Variants in KCTD8 observed in about 807,000 individuals in gnomAD.
KCTD8 encodes the protein potassium channel tetramerization domain containing 8.
A neutral mutation model predicts 31.5 loss-of-function variants in KCTD8; 27 were observed. The observed-to-expected ratio is 0.86, with a 90% CI of 0.63 to 1.18. The LOEUF (loss-of-function observed/expected upper bound fraction) is 1.18. KCTD8 is among the 50% of genes most tolerant of loss of function. The pLI, the probability that KCTD8 is intolerant of heterozygous loss-of-function variation, is 0.00. For synonymous variants in KCTD8, 290 were observed against 280.0 expected (o/e 1.04, Z -0.36); for missense variants, 658 against 647.7 (o/e 1.02, Z -0.17).
intron 1 of KCTD8, among the ~76,000 whole-genome samples, chr4:44,265,053 C>T (rs565225016): frequency 1.8e-4 from 27 of 152,276 alleles, no homozygotes; most frequent in Non-Finnish European, 3.2e-4. Context: ...TCTCCCAGCA[C>T]GCAGCTGGAG....
chr4:44,421,796 T>C (rs1445236202), intron 1 of KCTD8, among the ~76,000 whole-genome samples: 3 of 152,154 alleles, frequency 2.0e-5, no homozygotes, highest in Non-Finnish European at 2.9e-5. Context: ...CTGTTTCTGA[T>C]GTTCCAATTT....
At chr4:44,423,817 A>G (rs1039236460) in intron 1 of KCTD8, among the ~76,000 whole-genome samples, 6 of 152,148 alleles carry the variant, frequency 3.9e-5, no homozygotes, top group Admixed American at 6.6e-5. Context: ...TCCCATTCTG[A>G]AGTTACATAC....
chr4:44,253,975 G>A (rs1481081463), intron 1 of KCTD8, among the ~76,000 whole-genome samples: 2 of 151,830 alleles, frequency 1.3e-5, no homozygotes, highest in African/African-American at 4.8e-5. Flanking sequence ...GAAGGACAGT[G>A]AAGGCATTTT....
In KCTD8 at chr4:44,361,683, C is replaced by T. The variant is rs112464993; in HGVS notation, c.961+85880G>A. ...AAAACACAATTATACTAAATTTTGC[C>T]AATTTTTAATGATTTAATGAGAAAA... On this transcript the variant is annotated intron_variant, in intron 1 of 1. Transcript: ENST00000360029. Among the ~76,000 whole-genome samples the T allele has an allele frequency of 7.3e-3, 1,111 of 152,082 alleles. 14 individuals are homozygous for T. Among genetic ancestry groups the T allele is most frequent in the African/African-American group, 0.026 (1,063 of 41,510 alleles).
intron 1 of KCTD8, among the ~76,000 whole-genome samples, chr4:44,292,301 A>G (rs986118901): frequency 2.0e-5 from 3 of 152,166 alleles, no homozygotes; most frequent in African/African-American, 7.2e-5. Flanking sequence ...CCATAAAAAG[A>G]ATAAAATCAT....
chr4:44,396,768 G>A (rs545666138), intron 1 of KCTD8, among the ~76,000 whole-genome samples: 100 of 152,230 alleles, frequency 6.6e-4, no homozygotes, highest in African/African-American at 2.3e-3. Flanking sequence ...TGCAGGAACG[G>A]CCTCATCACA....
intron 1 of KCTD8, among the ~76,000 whole-genome samples, chr4:44,399,655 G>A (rs11726514): frequency 0.25 from 37,835 of 152,060 alleles, 5,026 homozygotes; most frequent in South Asian, 0.3. Context: ...TATGGCATGG[G>A]AACTTGAGAA....
chr4:44,394,640 G>C (rs925271487), intron 1 of KCTD8, among the ~76,000 whole-genome samples: 1 of 151,980 alleles, frequency 6.6e-6, no homozygotes. Flanking sequence ...ATTCAAATCG[G>C]ATAATTTGAC....
intron 1 of KCTD8, among the ~76,000 whole-genome samples, chr4:44,245,463 C>T (rs77520331): frequency 0.053 from 8,093 of 151,924 alleles, 727 homozygotes; most frequent in African/African-American, 0.19. Context: ...ATACACAGTG[C>T]CTGTGTTAAC....
At chr4:44,433,702 G>A (rs191489798) in intron 1 of KCTD8, among the ~76,000 whole-genome samples, 544 of 151,384 alleles carry the variant, frequency 3.6e-3, no homozygotes, top group Non-Finnish European at 5.4e-3. Context: ...ATTAGACTGG[G>A]TCACCTATTT....
At chr4:44,328,750 T>C (rs1718518666) in intron 1 of KCTD8, among the ~76,000 whole-genome samples, 1 of 151,968 alleles carries the variant, frequency 6.6e-6, no homozygotes. Flanking sequence ...CCAGCTTTTA[T>C]GGAGTCTTAA....
At chr4:44,378,852 A>G (rs977788599) in intron 1 of KCTD8, among the ~76,000 whole-genome samples, 4 of 152,164 alleles carry the variant, frequency 2.6e-5, no homozygotes, top group Non-Finnish European at 4.4e-5. Flanking sequence ...TCAGAAGTCC[A>G]AAATTATTCT....
At chr4:44,378,707 C>A (rs1056604990) in intron 1 of KCTD8, among the ~76,000 whole-genome samples, 2 of 152,046 alleles carry the variant, frequency 1.3e-5, no homozygotes, top group African/African-American at 4.8e-5. Flanking sequence ...TTACATGAGT[C>A]CCAAGTCACA....
At chr4:44,326,239 G>T (rs2109409544) in intron 1 of KCTD8, among the ~76,000 whole-genome samples, 1 of 151,312 alleles carries the variant, frequency 6.6e-6, no homozygotes. Context: ...TATATTTTGG[G>T]CTATTTTTGC....
chr4:44,214,090 A>G (rs534831403), intron 1 of KCTD8, among the ~76,000 whole-genome samples: 46 of 152,208 alleles, frequency 3.0e-4, no homozygotes, highest in African/African-American at 1.0e-3. Flanking sequence ...CCACTTATTC[A>G]TTTCTGTAAG....
chr4:44,394,430 A>G (rs542049047), intron 1 of KCTD8, among the ~76,000 whole-genome samples: 53 of 152,216 alleles, frequency 3.5e-4, no homozygotes, highest in Admixed American at 8.5e-4. Flanking sequence ...AAGAAAGAAA[A>G]AAAAATACCC....
At chr4:44,181,176 TGGTCTCCCTCTCCCTCTCTTTCCAC>T (rs766873729) in intron 1 of KCTD8, among the ~76,000 whole-genome samples, 1,595 of 142,276 alleles carry the variant, frequency 0.011, 77 homozygotes, top group Non-Finnish European at 0.016. Context: ...CCTCTCCCCA[TGGTCTCCCTCTCCCTCTCTTTCCAC>T]GGTCTCCCTC....
chr4:44,238,312 TG>T (rs2109355917), intron 1 of KCTD8, among the ~76,000 whole-genome samples: 1 of 152,254 alleles, frequency 6.6e-6, no homozygotes, highest in East Asian at 1.9e-4. Context: ...TATTTTCTCA[TG>T]GTTCCATCTC....
At chr4:44,229,783 C>T (rs1715066631) in intron 1 of KCTD8, among the ~76,000 whole-genome samples, 1 of 151,928 alleles carries the variant, frequency 6.6e-6, no homozygotes, top group Non-Finnish European at 1.5e-5. Flanking sequence ...GATGGTGGAT[C>T]TACTAAACAC....
Sources: gnomAD v4.1 joint callset for allele counts (sites outside exome capture counted in the v4.1 genomes callset) on GRCh38, gnomAD v4.1.1 for gene constraint, MANE v1.5 for transcripts, NCBI Gene and HGNC (gene_info 2026-07-23, HGNC 2026-07-21) for gene names.